The following CSMD1 variants were observed in gnomAD, a reference collection of about 807,000 sequenced individuals.
CSMD1 encodes the protein CUB and Sushi multiple domains 1, also known as CUB and sushi domain-containing protein 1.
A neutral mutation model predicts 417.5 loss-of-function variants in CSMD1; 213 were observed. The observed-to-expected ratio is 0.51, with a 90% CI of 0.46 to 0.57. The LOEUF (loss-of-function observed/expected upper bound fraction) is 0.57, where lower values mean the gene tolerates loss of function less well. Ranked by LOEUF, CSMD1 falls within the 20% of genes least tolerant of loss-of-function variation. CSMD1 has a pLI of 0.00. For missense variants in CSMD1, 6,923 were observed against 4,529.7 expected (o/e 1.53, Z -15.17); for synonymous variants, 2,862 against 1,736.8 (o/e 1.65, Z -16.11).
At chr8:4,257,028 C>T (rs1248760338) in intron 3 of CSMD1, among the ~76,000 whole-genome samples, 1 of 152,138 alleles carries the variant, frequency 6.6e-6, no homozygotes, top group South Asian at 2.1e-4. Context: ...TGGGATCAAG[C>T]CATCTAGGAA....
At chr8:2,974,194 G>A (rs576699393) in intron 56 of CSMD1, among the ~76,000 whole-genome samples, 13 of 152,274 alleles carry the variant, frequency 8.5e-5, no homozygotes, top group East Asian at 3.9e-4. Context: ...GCCGGCAAGC[G>A]TCCTCTCAAA....
chr8:4,989,744 T>C (rs954480693), intron 1 of CSMD1, among the ~76,000 whole-genome samples: 4 of 152,220 alleles, frequency 2.6e-5, no homozygotes, highest in African/African-American at 7.2e-5. Flanking sequence ...GAGTATTTAA[T>C]ATGCCATTTG....
intron 1 of CSMD1, among the ~76,000 whole-genome samples, chr8:4,977,315 G>A (rs1447082447): frequency 6.6e-6 from 1 of 152,042 alleles, no homozygotes; most frequent in Admixed American, 6.6e-5. Flanking sequence ...AGGGTTATAC[G>A]CCCTTCTAAC....
intron 18 of CSMD1, among the ~76,000 whole-genome samples, chr8:3,370,975 CAA>C (rs58410294): frequency 4.2e-5 from 6 of 143,374 alleles, no homozygotes; most frequent in African/African-American, 2.6e-5. Flanking sequence ...CAAACTCCAT[CAA>C]AAAAAAAAAG....
intron 26 of CSMD1, among the ~76,000 whole-genome samples, chr8:3,272,860 A>C (rs891057393): frequency 5.3e-5 from 8 of 150,538 alleles, no homozygotes; most frequent in Non-Finnish European, 8.8e-5. Context: ...CCAGATATAC[A>C]ATCATGTCGT....
intron 5 of CSMD1, among the ~76,000 whole-genome samples, chr8:3,984,586 G>C (rs916653345): frequency 3.3e-5 from 5 of 150,860 alleles, no homozygotes; most frequent in Non-Finnish European, 7.4e-5. Flanking sequence ...ACAATATTTG[G>C]ATTCTTCAAG....
chr8:4,623,907 G>T, intron 2 of CSMD1, among the ~76,000 whole-genome samples: 1 of 152,068 alleles, frequency 6.6e-6, no homozygotes, highest in Non-Finnish European at 1.5e-5. Flanking sequence ...ATATTCGTTA[G>T]CTTGATGGTG....
At chr8:4,823,781 C>T (rs1000090603) in intron 1 of CSMD1, among the ~76,000 whole-genome samples, 4 of 151,566 alleles carry the variant, frequency 2.6e-5, no homozygotes, top group African/African-American at 9.7e-5. Flanking sequence ...AGTGTGTGCA[C>T]AAGTGTCTCA....
At chr8:3,457,994 A>C (rs930800478) in intron 12 of CSMD1, among the ~76,000 whole-genome samples, 1 of 152,200 alleles carries the variant, frequency 6.6e-6, no homozygotes, top group African/African-American at 2.4e-5. Flanking sequence ...TAATTTCACA[A>C]GCTCTTTCAT....
chr8:4,242,092 C>T (rs1347074078), intron 3 of CSMD1, among the ~76,000 whole-genome samples: 1 of 152,136 alleles, frequency 6.6e-6, no homozygotes, highest in East Asian at 1.9e-4. Flanking sequence ...AGAATTTTTG[C>T]ATCATCATGA....
chr8:3,551,315 A>G (rs535600872), intron 10 of CSMD1, among the ~76,000 whole-genome samples: 1 of 152,302 alleles, frequency 6.6e-6, no homozygotes, highest in East Asian at 1.9e-4. Flanking sequence ...CTATATCAAT[A>G]TGTGAATGTT....
At chr8:4,473,852 G>A (rs577119188) in intron 2 of CSMD1, among the ~76,000 whole-genome samples, 296 of 152,240 alleles carry the variant, frequency 1.9e-3, no homozygotes, top group African/African-American at 6.7e-3. Context: ...AATGATCGTA[G>A]CATATATAAG....
chr8:4,143,615 C>G (rs1490558303), intron 3 of CSMD1, among the ~76,000 whole-genome samples: 1 of 151,084 alleles, frequency 6.6e-6, no homozygotes, highest in Non-Finnish European at 1.5e-5. Context: ...CCATGGCACT[C>G]TGAGGGTACA....
chr8:4,640,125 G>T (rs779948004), intron 1 of CSMD1, among the ~76,000 whole-genome samples: 4 of 152,188 alleles, frequency 2.6e-5, no homozygotes, highest in Non-Finnish European at 5.9e-5. Context: ...CAGATATGAA[G>T]ATTTCCTCAA....
At chr8:3,516,159 G>A (rs769085915) in intron 10 of CSMD1, among the ~76,000 whole-genome samples, 13 of 152,168 alleles carry the variant, frequency 8.5e-5, no homozygotes, top group Non-Finnish European at 1.5e-4. Context: ...TGATTTCAAA[G>A]ACAATATCCT....
chr8:3,999,134 C>T (rs1815459213), intron 4 of CSMD1, among the ~76,000 whole-genome samples: 1 of 151,458 alleles, frequency 6.6e-6, no homozygotes, highest in Non-Finnish European at 1.5e-5. Flanking sequence ...TTTCTTCCTT[C>T]CCTCCTTTCT....
In CSMD1 at chr8:3,345,567, G is replaced by C. The variant is rs560912180; in HGVS notation, c.3475-2117C>G. On this transcript the variant is annotated intron_variant, in intron 22 of 69. Transcript: ENST00000635120. ...ATTGGATGAGGAACAGGCTACACCT[G>C]TTCTGTACAACATTTCCTAGTTATA... 6.6e-5 allele frequency among the ~76,000 whole-genome samples: 10 copies of C among 152,266 alleles called. No individual in the cohort carries two copies. The South Asian group carries it at 1.7e-3, about 25-fold the overall frequency.
At chr8:4,383,764 C>T (rs1803259557) in intron 3 of CSMD1, among the ~76,000 whole-genome samples, 2 of 149,220 alleles carry the variant, frequency 1.3e-5, no homozygotes, top group African/African-American at 4.9e-5. Context: ...CCTTTTCTAT[C>T]AGCATCACCA....
chr8:3,840,135 C>T lies in CSMD1; in HGVS notation c.819-86093G>A, dbSNP rs554663587. 2.0e-5 allele frequency among the ~76,000 whole-genome samples: 3 copies of T among 152,194 alleles called. No individual in the cohort carries two copies. The South Asian group carries it at 6.2e-4, about 32-fold the overall frequency. The stretch of plus-strand genomic sequence containing the variant: ...AAAAAGACCTATTATGAACAGCTTG[C>T]TTCCTTTATACTTAATGTTTTCTCA... On this transcript the variant is annotated intron_variant, in intron 5 of 69. Coordinates refer to ENST00000635120, the MANE Select transcript of CSMD1 (RefSeq NM_033225.6).
Sources: gnomAD v4.1 joint callset for allele counts (sites outside exome capture counted in the v4.1 genomes callset) on GRCh38, gnomAD v4.1.1 for gene constraint, MANE v1.5 for transcripts, NCBI Gene and HGNC (gene_info 2026-07-23, HGNC 2026-07-21) for gene names.